The following PPARG variants were observed in gnomAD, a reference collection of about 807,000 sequenced individuals.
PPARG encodes the protein peroxisome proliferator-activated receptor gamma.
A neutral mutation model predicts 39.2 loss-of-function variants in PPARG; 17 were observed. The observed-to-expected ratio is 0.43, with a 90% CI of 0.30 to 0.65. The LOEUF (loss-of-function observed/expected upper bound fraction) is 0.65. PPARG is among the 30% of genes least tolerant of loss of function. The pLI is 0.13. For missense variants in PPARG, 406 were observed against 585.9 expected, an observed-to-expected ratio of 0.69 and a Z score of 3.17; for synonymous variants, 223 against 215.7, an observed-to-expected ratio of 1.03 and a Z score of -0.30.
chr3:12,306,381 G>A (rs1574959115), intron 1 of PPARG, among the ~76,000 whole-genome samples: 1 of 152,182 alleles, frequency 6.6e-6, no homozygotes, highest in South Asian at 2.1e-4. Context: ...ACTGCTTCAC[G>A]GCCTTGGGGT....
intron 1 of PPARG, among the ~76,000 whole-genome samples, chr3:12,290,608 C>A (rs769814834): frequency 7.3e-4 from 111 of 151,992 alleles, no homozygotes; most frequent in Non-Finnish European, 1.4e-3. Context: ...AAAGGTGTGA[C>A]ATGAGGAATA....
At chr3:12,315,962 C>T (rs1044001794) in intron 2 of PPARG, among the ~76,000 whole-genome samples, 5 of 152,094 alleles carry the variant, frequency 3.3e-5, no homozygotes, top group Non-Finnish European at 5.9e-5. Flanking sequence ...ATTTAGAACT[C>T]GTAGTCTTAT....
intron 2 of PPARG, among the ~76,000 whole-genome samples, chr3:12,337,179 A>G (rs1033661159): frequency 6.6e-6 from 1 of 152,256 alleles, no homozygotes; most frequent in African/African-American, 2.4e-5. Flanking sequence ...CAATAGAAAT[A>G]TCTCATTGTG....
intron 5 of PPARG, chr3:12,399,453 G>A (rs538863486): frequency 2.0e-5 from 9 of 453,976 alleles, no homozygotes; most frequent in Non-Finnish European, 3.5e-5. Context: ...CAAGCGTGGT[G>A]GTGCATGCCT....
chr3:12,316,591 A>G (rs372594996), intron 2 of PPARG, among the ~76,000 whole-genome samples: 8 of 152,150 alleles, frequency 5.3e-5, no homozygotes, highest in African/African-American at 1.9e-4. Context: ...TATATTGTGT[A>G]TATTTTATAC....
intron 6 of PPARG, among the ~76,000 whole-genome samples, chr3:12,414,323 C>A (rs755447644): frequency 7.2e-5 from 11 of 152,008 alleles, no homozygotes; most frequent in Non-Finnish European, 1.2e-4. Flanking sequence ...TGAAAGAAAG[C>A]CAATAAAGGC....
At chr3:12,376,915 T>C (rs1363484802) in intron 2 of PPARG, among the ~76,000 whole-genome samples, 1 of 152,198 alleles carries the variant, frequency 6.6e-6, no homozygotes, top group African/African-American at 2.4e-5. Context: ...TATGAGCAGC[T>C]CATCTCTGTC....
rs540132843 is a variant in PPARG at position 12,416,360 on chromosome 3, A to G, written c.730-344A>G. On this transcript the variant is annotated intron_variant, in intron 6 of 7. Transcript: ENST00000651735. ...TGCCACTGTAATTCAGTCTGGGCGC[A>G]GAGTGAGACTCTGTCTCAAAAACAA... Among the ~76,000 whole-genome samples the G allele has an allele frequency of 2.0e-5, 3 of 152,312 alleles. No individual in the cohort carries two copies. In the South Asian group the frequency reaches 6.2e-4, roughly 32 times the overall value.
chr3:12,321,181 G>A (rs905809388), intron 2 of PPARG, among the ~76,000 whole-genome samples: 5 of 152,152 alleles, frequency 3.3e-5, no homozygotes, highest in African/African-American at 9.7e-5. Flanking sequence ...GTCCGATGGC[G>A]TGGACTCACT....
chr3:12,421,152 G>A (rs1461323924), intron 7 of PPARG, among the ~76,000 whole-genome samples: 1 of 152,152 alleles, frequency 6.6e-6, no homozygotes, highest in Non-Finnish European at 1.5e-5. Flanking sequence ...ACTGAAACCT[G>A]GGTGTCCTAA....
intron 7 of PPARG, among the ~76,000 whole-genome samples, chr3:12,422,360 A>G (rs2125298978): frequency 6.6e-6 from 1 of 152,316 alleles, no homozygotes; most frequent in Middle Eastern, 3.4e-3. Flanking sequence ...GAAAATGGAA[A>G]TTTAAAGAGG....
At chr3:12,318,772 A>G (rs2047458311) in intron 2 of PPARG, among the ~76,000 whole-genome samples, 1 of 152,098 alleles carries the variant, frequency 6.6e-6, no homozygotes. Flanking sequence ...ATACATATAC[A>G]GTGTTACATA....
At chr3:12,417,209 C>A in intron 7 of PPARG, 55 bp downstream of exon 7, 1 of 1,566,410 alleles carries the variant, frequency 6.4e-7, no homozygotes, top group Non-Finnish European at 8.7e-7. Context: ...GGTGGGGTGG[C>A]CAAAAGAATT....
intron 1 of PPARG, among the ~76,000 whole-genome samples, chr3:12,303,429 G>A (rs181854758): frequency 9.9e-5 from 15 of 152,254 alleles, no homozygotes; most frequent in Admixed American, 9.8e-4. Context: ...TCGAACTCCT[G>A]ACCTCAAGTG....
Position 12,327,259 on chromosome 3 carries a change from T to G in PPARG, c.-9+14806T>G, listed in dbSNP as rs187782067. Among the ~76,000 whole-genome samples, 219 of 152,308 alleles carry G rather than the reference T, an allele frequency of 1.4e-3. 1 individual carries two copies. Among genetic ancestry groups the G allele is most frequent in the African/African-American group, 5.1e-3 (212 of 41,570 alleles). ...GCCTCACCGCAGGCAGCGTCACCAC[T>G]CCGGTTCCAATCTTCTGGACGTAGA... On this transcript the variant is annotated intron_variant, in intron 2 of 7. Coordinates refer to ENST00000651735, the MANE Select transcript of PPARG (RefSeq NM_138711.6).
At chr3:12,306,950 T>A (rs376000160) in intron 1 of PPARG, among the ~76,000 whole-genome samples, 19 of 151,238 alleles carry the variant, frequency 1.3e-4, no homozygotes, top group African/African-American at 3.6e-4. Context: ...TACAAAAAAT[T>A]AGCCGGGCGT....
At chr3:12,304,680 C>G (rs1412266286) in intron 1 of PPARG, among the ~76,000 whole-genome samples, 1 of 152,064 alleles carries the variant, frequency 6.6e-6, no homozygotes, top group East Asian at 1.9e-4. Context: ...TGGTATTACA[C>G]AGTATTTACC....
intron 4 of PPARG, among the ~76,000 whole-genome samples, chr3:12,382,936 A>G (rs2049736915): frequency 6.6e-6 from 1 of 152,182 alleles, no homozygotes; most frequent in South Asian, 2.1e-4. Flanking sequence ...ATACCACTGC[A>G]CTCCAGCCTG....
At chr3:12,410,795 C>T (rs535376802) in intron 6 of PPARG, among the ~76,000 whole-genome samples, 2 of 152,296 alleles carry the variant, frequency 1.3e-5, no homozygotes, top group East Asian at 1.9e-4. Context: ...TTACAATGGC[C>T]ATCAAACCCA....
Sources: allele counts gnomAD v4.1 joint callset (sites outside exome capture counted in the v4.1 genomes callset), GRCh38; gene constraint gnomAD v4.1.1; transcripts MANE v1.5; gene names NCBI Gene and HGNC (gene_info 2026-07-23, HGNC 2026-07-21).